Variants in ASIC2 observed in about 807,000 individuals in gnomAD.
The protein encoded by ASIC2 is acid-sensing ion channel 2.
A neutral mutation model predicts 57.3 loss-of-function variants in ASIC2; 25 were observed. That is an observed-to-expected ratio of 0.44 (90% confidence interval 0.32 to 0.61). The LOEUF is 0.61. Among genes scored for constraint, ASIC2 ranks in the 20% least tolerant of loss-of-function variants. The pLI is 0.06. For missense variants in ASIC2, 641 were observed against 738.1 expected, an observed-to-expected ratio of 0.87 and a Z score of 1.52; for synonymous variants, 319 against 307.5, an observed-to-expected ratio of 1.04 and a Z score of -0.39.
chr17:33,064,484 A>C (rs2092034688), intron 3 of ASIC2, among the ~76,000 whole-genome samples: 1 of 152,218 alleles, frequency 6.6e-6, no homozygotes, highest in African/African-American at 2.4e-5. Context: ...TTGTGGGTTC[A>C]GCAGCGGAGG....
chr17:33,608,669 G>A (rs1328575690), intron 1 of ASIC2, among the ~76,000 whole-genome samples: 1 of 152,078 alleles, frequency 6.6e-6, no homozygotes, highest in Non-Finnish European at 1.5e-5. Flanking sequence ...AGCAACACAG[G>A]TCTCCTTTGC....
chr17:33,909,631 C>T (rs1315760262), intron 1 of ASIC2, among the ~76,000 whole-genome samples: 2 of 152,256 alleles, frequency 1.3e-5, no homozygotes, highest in East Asian at 3.9e-4. Flanking sequence ...GCCCTGGAGT[C>T]CGAAGCTCCT....
chr17:33,249,436 G>A (rs1908807122), intron 1 of ASIC2, among the ~76,000 whole-genome samples: 1 of 152,166 alleles, frequency 6.6e-6, no homozygotes, highest in African/African-American at 2.4e-5. Context: ...AGATGAGCAA[G>A]GGAGCGAGGG....
intron 1 of ASIC2, among the ~76,000 whole-genome samples, chr17:33,909,255 C>G (rs1488447993): frequency 6.6e-6 from 1 of 152,220 alleles, no homozygotes; most frequent in African/African-American, 2.4e-5. Flanking sequence ...GGATGTAAGG[C>G]ATTATCCTCT....
At chr17:33,780,311 C>G (rs1297809129) in intron 1 of ASIC2, among the ~76,000 whole-genome samples, 2 of 152,128 alleles carry the variant, frequency 1.3e-5, no homozygotes, top group Non-Finnish European at 2.9e-5. Context: ...GCTGCCTCCC[C>G]TGGGTGGCAG....
chr17:34,016,423 CAAAAAAAA>C (rs398041640), intron 1 of ASIC2, among the ~76,000 whole-genome samples: 2 of 41,464 alleles, frequency 4.8e-5, no homozygotes, highest in South Asian at 2.1e-3. Context: ...GACTCCGTCT[CAAAAAAAA>C]AAAAAAAAAA....
intron 1 of ASIC2, among the ~76,000 whole-genome samples, chr17:33,621,914 G>A (rs1905814472): frequency 6.6e-6 from 1 of 152,022 alleles, no homozygotes; most frequent in Admixed American, 6.6e-5. Flanking sequence ...GATGATAATA[G>A]TACCTACCTT....
chr17:33,058,796 A>G (rs1013152649), intron 3 of ASIC2, among the ~76,000 whole-genome samples: 1 of 152,184 alleles, frequency 6.6e-6, no homozygotes, highest in African/African-American at 2.4e-5. Flanking sequence ...AAAGAATTAA[A>G]ATTAGCCTAA....
At chr17:33,870,224 G>GTTTTTTTTTTTTTTT (rs869267956) in intron 1 of ASIC2, among the ~76,000 whole-genome samples, 2 of 50,120 alleles carry the variant, frequency 4.0e-5, no homozygotes, top group African/African-American at 8.0e-5. Flanking sequence ...GAGAAATTCT[G>GTTTTTTTTTTTTTTT]TTTTTTTTTT....
chr17:33,751,665 G>A (rs1910435569), intron 1 of ASIC2, among the ~76,000 whole-genome samples: 1 of 152,014 alleles, frequency 6.6e-6, no homozygotes, highest in Admixed American at 6.5e-5. Context: ...TCTGTATAAC[G>A]TTTTGGTTTA....
At chr17:33,411,584 A>T (rs1910661921) in intron 1 of ASIC2, among the ~76,000 whole-genome samples, 1 of 152,212 alleles carries the variant, frequency 6.6e-6, no homozygotes, top group Admixed American at 6.5e-5. Context: ...GAGTGCACCC[A>T]TTCATCTATC....
At chr17:33,990,650 GA>G (rs1905972137) in intron 1 of ASIC2, among the ~76,000 whole-genome samples, 1 of 152,160 alleles carries the variant, frequency 6.6e-6, no homozygotes, top group Admixed American at 6.5e-5. Flanking sequence ...CTGAGATGAA[GA>G]AGATGTAGTT....
intron 1 of ASIC2, among the ~76,000 whole-genome samples, chr17:34,021,843 T>G (rs867173644): frequency 0.047 from 6,897 of 146,888 alleles, 516 homozygotes; most frequent in African/African-American, 0.16. Context: ...TTTTGTTTTT[T>G]TTTTTTTTTT....
At chr17:33,638,320 G>C (rs1906437780) in intron 1 of ASIC2, among the ~76,000 whole-genome samples, 1 of 152,186 alleles carries the variant, frequency 6.6e-6, no homozygotes, top group South Asian at 2.1e-4. Context: ...TAAATTATAA[G>C]TTAAATTCCT....
chr17:33,760,398 T>C (rs903483564), intron 1 of ASIC2, among the ~76,000 whole-genome samples: 1 of 152,092 alleles, frequency 6.6e-6, no homozygotes, highest in African/African-American at 2.4e-5. Flanking sequence ...TCAGTCATCT[T>C]TGATGTTTTG....
chr17:33,318,925 C>A (rs765488754), intron 1 of ASIC2, among the ~76,000 whole-genome samples: 40 of 152,170 alleles, frequency 2.6e-4, no homozygotes, highest in Non-Finnish European at 4.6e-4. Context: ...TCACCAGGAG[C>A]AAAACTGGGG....
chr17:33,195,069 C>T (rs1345484769), intron 1 of ASIC2, among the ~76,000 whole-genome samples: 1 of 152,116 alleles, frequency 6.6e-6, no homozygotes, highest in Non-Finnish European at 1.5e-5. Flanking sequence ...CTAAGTCGGG[C>T]TCCTGGCTTG....
At chr17:33,728,686 A>G (rs1033555138) in intron 1 of ASIC2, among the ~76,000 whole-genome samples, 1 of 152,200 alleles carries the variant, frequency 6.6e-6, no homozygotes, top group Non-Finnish European at 1.5e-5. Context: ...AAATGTCACC[A>G]AAGTGAATCA....
At position 33,445,850 on chromosome 17, in the gene ASIC2, T is replaced by C. The variant is rs1419020106; in HGVS notation, c.556-333783A>G. ...AGATGATCTATTCTGTCATTTGGAG[T>C]TGTGGTTCAAACAAAACTACTGTAT... is the stretch of plus-strand genomic sequence containing the variant. On this transcript the variant is annotated intron_variant, in intron 1 of 9. Transcript: ENST00000359872. Among the ~76,000 whole-genome samples, 5 of 150,708 alleles carry C rather than the reference T, an allele frequency of 3.3e-5. No homozygotes were observed. The East Asian group carries it at 9.7e-4, about 29-fold the overall frequency.
Sources: allele counts gnomAD v4.1 joint callset (sites outside exome capture counted in the v4.1 genomes callset), GRCh38; gene constraint gnomAD v4.1.1; transcripts MANE v1.5; gene names NCBI Gene and HGNC (gene_info 2026-07-23, HGNC 2026-07-21).